Variants in ABCA4 observed in about 807,000 individuals in gnomAD.
The protein encoded by ABCA4 is retinal-specific phospholipid-transporting ATPase ABCA4.
Under a neutral mutation model 263.7 loss-of-function variants are expected in ABCA4, and 196 were observed. The ratio of observed to expected loss-of-function variants is 0.74; its 90% confidence interval spans 0.66 to 0.84. ABCA4 has a LOEUF of 0.84. Among genes scored for constraint, ABCA4 ranks in the 40% least tolerant of loss-of-function variants. The pLI is 0.00. For missense variants in ABCA4, 2,792 were observed against 2,855.1 expected (o/e 0.98, Z 0.50); for synonymous variants, 1,133 against 1,094.2 (o/e 1.04, Z -0.70).
chr1:94,040,887 C>T (rs891928035), intron 23 of ABCA4, among the ~76,000 whole-genome samples: 6 of 152,164 alleles, frequency 3.9e-5, no homozygotes, highest in Admixed American at 3.3e-4. Context: ...AAATGAAGCT[C>T]AACCAATTGC....
chr1:94,094,289 G>A (rs746411239), intron 6 of ABCA4, among the ~76,000 whole-genome samples: 5 of 152,160 alleles, frequency 3.3e-5, no homozygotes, highest in Non-Finnish European at 5.9e-5. Context: ...TCTCCCCAGT[G>A]ACTCAGGAAT....
At chr1:94,082,274 C>T (rs1570409509) in intron 7 of ABCA4, among the ~76,000 whole-genome samples, 1 of 152,268 alleles carries the variant, frequency 6.6e-6, no homozygotes, top group South Asian at 2.1e-4. Context: ...TGGTGTAATA[C>T]CAATTCATAT....
At chr1:94,059,629 C>T (rs1661064146) in intron 14 of ABCA4, 1 of 152,194 alleles carries the variant, frequency 6.6e-6, no homozygotes, top group Non-Finnish European at 1.5e-5. Context: ...GTGGTCACTA[C>T]ACACACTGCC....
chr1:94,058,731 T>G (rs1661045424), intron 14 of ABCA4, among the ~76,000 whole-genome samples: 1 of 152,244 alleles, frequency 6.6e-6, no homozygotes, highest in South Asian at 2.1e-4. Flanking sequence ...GACCACAAAC[T>G]TCTAGGACTT....
chr1:94,083,921 A>C (rs1231286538), intron 6 of ABCA4, among the ~76,000 whole-genome samples: 3 of 152,106 alleles, frequency 2.0e-5, no homozygotes, highest in African/African-American at 7.2e-5. Flanking sequence ...TCCATTCAAC[A>C]CTGCTCTCTC....
At chr1:94,119,616 A>G (rs1007885256) in intron 1 of ABCA4, among the ~76,000 whole-genome samples, 4 of 152,008 alleles carry the variant, frequency 2.6e-5, no homozygotes, top group Admixed American at 6.6e-5. Flanking sequence ...CAGACCTCTC[A>G]TCTATGCTCC....
intron 1 of ABCA4, among the ~76,000 whole-genome samples, chr1:94,115,727 T>TCCTCCAA (rs1662741084): frequency 6.6e-6 from 1 of 152,206 alleles, no homozygotes; most frequent in Admixed American, 6.5e-5. Context: ...ATGAGCCATT[T>TCCTCCAA]GTTATTGCCT....
rs540227593 is a variant in ABCA4, at chr1:94,089,509, C to T, written c.769-6068G>A. Among the ~76,000 whole-genome samples, 3 of 150,894 alleles carry T rather than the reference C, an allele frequency of 2.0e-5. No individual in the cohort carries two copies. The East Asian group carries it at 5.8e-4, about 29-fold the overall frequency. ...TTGAGATGGAGTGTCACACTGTCGCCTAGGTGGGAGTGCAGTGGCACGATC... is the reference window on the plus strand; with the variant it reads ...TTGAGATGGAGTGTCACACTGTCGCTTAGGTGGGAGTGCAGTGGCACGATC... On this transcript the variant is annotated intron_variant, in intron 6 of 49. Coordinates refer to ENST00000370225, the MANE Select transcript of ABCA4 (RefSeq NM_000350.3).
At chr1:94,096,148 T>A (rs565472991) in intron 6 of ABCA4, among the ~76,000 whole-genome samples, 7 of 152,302 alleles carry the variant, frequency 4.6e-5, no homozygotes, top group African/African-American at 1.7e-4. Flanking sequence ...AAACTCTAGG[T>A]CAGTGATTCT....
At position 94,108,104 on chromosome 1, in the gene ABCA4, G is replaced by C. The variant is rs561179572; in HGVS notation, c.442+473C>G. On this transcript the variant is annotated intron_variant, in intron 4 of 49. Coordinates refer to ENST00000370225, the MANE Select transcript of ABCA4 (RefSeq NM_000350.3). The stretch of plus-strand genomic sequence containing the variant: ...CGGGGCCTGGGTGCTAAATATTACT[G>C]GGAGAAATAGTACAATTATGCATAT... 5.3e-5 allele frequency among the ~76,000 whole-genome samples: 8 copies of C among 152,232 alleles called. No homozygotes were observed. In the East Asian group the frequency reaches 1.5e-3, roughly 29 times the overall value.
At chr1:94,022,044 G>T in intron 32 of ABCA4, 93 bp from the exon 33 acceptor site, 1 of 1,068,960 alleles carries the variant, frequency 9.4e-7, no homozygotes, top group Non-Finnish European at 1.4e-6. Context: ...ATGAACTTTC[G>T]GGGGAATTGC....
At chr1:93,994,677 G>C (rs550666193) in intron 49 of ABCA4, among the ~76,000 whole-genome samples, 4 of 152,166 alleles carry the variant, frequency 2.6e-5, no homozygotes, top group Non-Finnish European at 5.9e-5. Context: ...ATTAGGTTTT[G>C]GATGAAAATT....
intron 5 of ABCA4, among the ~76,000 whole-genome samples, chr1:94,100,881 G>A (rs1662267962): frequency 6.6e-6 from 1 of 152,238 alleles, no homozygotes. Flanking sequence ...GAACAGTGCT[G>A]ATAAGGAGCC....
intron 6 of ABCA4, 56 bp downstream of exon 6, chr1:94,098,738 C>T (rs1251087349): frequency 1.9e-6 from 3 of 1,593,200 alleles, no homozygotes; most frequent in Admixed American, 1.7e-5. Flanking sequence ...ATTCGTGAGG[C>T]TCTGCTACCC....
chr1:94,063,941 A>G (rs554598499), intron 11 of ABCA4, among the ~76,000 whole-genome samples: 7 of 152,306 alleles, frequency 4.6e-5, no homozygotes, highest in South Asian at 2.1e-4. Flanking sequence ...GAAGAGGAAA[A>G]AAAAAAACCA....
chr1:94,016,873 C>T (rs568757967), intron 36 of ABCA4, among the ~76,000 whole-genome samples: 1 of 152,216 alleles, frequency 6.6e-6, no homozygotes, highest in African/African-American at 2.4e-5. Flanking sequence ...GGAACCAGGG[C>T]TTCTTGGGGA....
intron 26 of ABCA4, among the ~76,000 whole-genome samples, chr1:94,032,820 G>T (rs1660241136): frequency 6.6e-6 from 1 of 152,242 alleles, no homozygotes; most frequent in African/African-American, 2.4e-5. Flanking sequence ...ACTGTCAGCA[G>T]AAGCTCTCCC....
intron 26 of ABCA4, among the ~76,000 whole-genome samples, chr1:94,035,301 G>C (rs1312678811): frequency 1.3e-5 from 2 of 152,198 alleles, no homozygotes; most frequent in Non-Finnish European, 2.9e-5. Context: ...CATTGGGTGA[G>C]CTGAGATTAT....
chr1:94,021,644 A>G lies in ABCA4; in HGVS notation c.4844T>C (p.Ile1615Thr), dbSNP rs1659900291. 1.2e-6 allele frequency: 2 copies of G among 1,611,198 alleles called. No homozygotes were observed. Among genetic ancestry groups the G allele is most frequent in the African/African-American group, 1.3e-5 (1 of 74,846 alleles). Reference protein sequence around the residue: ...FLKHLETEDNIKVWFNNKGWH... With the variant: ...FLKHLETEDNTKVWFNNKGWH... ...GATTATACATAGGTCAAGTACCTTA[A>G]TGTTGTCTTCAGTTTCTAGATGTTT... is the stretch of plus-strand genomic sequence containing the variant. The change falls in exon 34 of 50, where the codon ATT becomes ACT. Residue 1615 changes from isoleucine (I) to threonine (T), a missense_variant. Ile to Thr is a moderately conservative substitution (Grantham distance 89, BLOSUM62 -1). Coordinates refer to ENST00000370225, the MANE Select transcript of ABCA4 (RefSeq NM_000350.3).
Sources: allele counts gnomAD v4.1 joint callset (sites outside exome capture counted in the v4.1 genomes callset), GRCh38; gene constraint gnomAD v4.1.1; transcripts MANE v1.5; gene names NCBI Gene and HGNC (gene_info 2026-07-23, HGNC 2026-07-21).